Variants in GMDS observed in about 807,000 individuals in gnomAD.
GMDS encodes GDP-mannose 4,6-dehydratase.
A neutral mutation model predicts 49.9 loss-of-function variants in GMDS; 20 were observed. The ratio of observed to expected loss-of-function variants is 0.40; its 90% confidence interval spans 0.28 to 0.58. GMDS has a LOEUF of 0.58. Ranked by LOEUF, GMDS falls within the 20% of genes least tolerant of loss-of-function variation. GMDS has a pLI of 0.42. For missense variants in GMDS, 362 were observed against 481.4 expected (o/e 0.75, Z 2.32); for synonymous variants, 177 against 178.6 (o/e 0.99, Z 0.07).
intron 1 of GMDS, among the ~76,000 whole-genome samples, chr6:2,201,061 G>A (rs540382506): frequency 4.2e-5 from 6 of 141,392 alleles, no homozygotes; most frequent in African/African-American, 5.4e-5. Flanking sequence ...ATGGGCATCC[G>A]AGATGAAACC....
intron 2 of GMDS, among the ~76,000 whole-genome samples, chr6:2,120,585 A>G (rs776522048): frequency 1.3e-5 from 2 of 152,188 alleles, no homozygotes; most frequent in African/African-American, 2.4e-5. Flanking sequence ...GTTATTTAAT[A>G]TATTTTCATA....
intron 1 of GMDS, among the ~76,000 whole-genome samples, chr6:2,185,958 C>A (rs572818595): frequency 6.6e-6 from 1 of 152,174 alleles, no homozygotes; most frequent in East Asian, 1.9e-4. Flanking sequence ...AAACTGAGAA[C>A]CACGCGTTTA....
chr6:2,036,050 G>A (rs560747833), intron 4 of GMDS, among the ~76,000 whole-genome samples: 3 of 152,242 alleles, frequency 2.0e-5, no homozygotes, highest in African/African-American at 7.2e-5. Flanking sequence ...TGGCCTGGGC[G>A]ACTGTCTCAG....
intron 1 of GMDS, among the ~76,000 whole-genome samples, chr6:2,202,402 A>T (rs2127577229): frequency 6.7e-6 from 1 of 150,176 alleles, no homozygotes; most frequent in Admixed American, 6.7e-5. Context: ...TCGAGTAAGC[A>T]CAGTCGAGTA....
At chr6:1,915,442 G>A (rs751371943) in intron 7 of GMDS, among the ~76,000 whole-genome samples, 3 of 152,238 alleles carry the variant, frequency 2.0e-5, no homozygotes, top group Non-Finnish European at 2.9e-5. Context: ...CAAGCAGCAG[G>A]GGCAGCCCAG....
chr6:1,767,888 G>A (rs1047846922), intron 7 of GMDS, among the ~76,000 whole-genome samples: 5 of 151,940 alleles, frequency 3.3e-5, no homozygotes, highest in East Asian at 1.9e-4. Flanking sequence ...AGTTAATCCC[G>A]GCTCTAAGCT....
intron 1 of GMDS, among the ~76,000 whole-genome samples, chr6:2,150,235 G>A (rs1381998269): frequency 1.3e-5 from 2 of 152,046 alleles, no homozygotes; most frequent in African/African-American, 2.4e-5. Context: ...ACCAACTTCT[G>A]ATCAAGGTGA....
chr6:2,171,491 T>A (rs148321559), intron 1 of GMDS, among the ~76,000 whole-genome samples: 1 of 152,232 alleles, frequency 6.6e-6, no homozygotes, highest in East Asian at 1.9e-4. Context: ...TTAGATGCAA[T>A]TAACTGAGTG....
At chr6:2,196,963 T>A (rs13437278) in intron 1 of GMDS, among the ~76,000 whole-genome samples, 3,781 of 152,290 alleles carry the variant, frequency 0.025, 173 homozygotes, top group African/African-American at 0.086. Flanking sequence ...AAACGGATAC[T>A]TGTCAAAAAG....
At chr6:2,035,694 A>T (rs1345482322) in intron 4 of GMDS, among the ~76,000 whole-genome samples, 2 of 151,814 alleles carry the variant, frequency 1.3e-5, no homozygotes, top group Admixed American at 6.6e-5. Flanking sequence ...TTATTTATTT[A>T]TTTATTTTTT....
intron 7 of GMDS, among the ~76,000 whole-genome samples, chr6:1,839,035 C>T (rs1043788780): frequency 1.3e-5 from 2 of 152,028 alleles, no homozygotes; most frequent in African/African-American, 2.4e-5. Context: ...TACCTTTAGC[C>T]GACATTTTTC....
At chr6:1,801,034 C>A (rs1170091428) in intron 7 of GMDS, among the ~76,000 whole-genome samples, 1 of 152,212 alleles carries the variant, frequency 6.6e-6, no homozygotes, top group Non-Finnish European at 1.5e-5. Flanking sequence ...GCCACTTCAT[C>A]CCTGCTCCTG....
At chr6:2,104,222 A>G (rs918200109) in intron 4 of GMDS, among the ~76,000 whole-genome samples, 1 of 152,224 alleles carries the variant, frequency 6.6e-6, no homozygotes, top group African/African-American at 2.4e-5. Flanking sequence ...GATTTCAATC[A>G]TCTTACAGGA....
At chr6:1,725,180 C>T (rs955932177) in intron 9 of GMDS, among the ~76,000 whole-genome samples, 2 of 152,268 alleles carry the variant, frequency 1.3e-5, no homozygotes, top group Non-Finnish European at 2.9e-5. Flanking sequence ...CACATATGAA[C>T]GTTTCTCTCT....
intron 7 of GMDS, among the ~76,000 whole-genome samples, chr6:1,793,848 A>G (rs1426542731): frequency 6.6e-6 from 1 of 152,306 alleles, no homozygotes; most frequent in African/African-American, 2.4e-5. Flanking sequence ...AAAAACAGAA[A>G]GTTTGACCAG....
chr6:1,916,685 T>C (rs1338254295), intron 7 of GMDS, among the ~76,000 whole-genome samples: 4 of 151,860 alleles, frequency 2.6e-5, no homozygotes, highest in East Asian at 2.0e-4. Flanking sequence ...GAGAGCACAA[T>C]ACCACGCGCA....
intron 1 of GMDS, among the ~76,000 whole-genome samples, chr6:2,193,404 G>A (rs1215787665): frequency 1.3e-5 from 2 of 152,170 alleles, no homozygotes; most frequent in Non-Finnish European, 2.9e-5. Context: ...AGTCTCCACT[G>A]CCATCCACGT....
At chr6:2,117,325 C>A in intron 3 of GMDS, 144 bp downstream of exon 3, 1 of 614,682 alleles carries the variant, frequency 1.6e-6, no homozygotes, top group Non-Finnish European at 3.0e-6. Flanking sequence ...GCATGTAAAT[C>A]GTATTCAGTG....
chr6:2,022,143 A>C lies in GMDS; in HGVS notation c.346-61177T>G, dbSNP rs570842899. Among the ~76,000 whole-genome samples, 13 of 152,350 alleles carry C rather than the reference A, an allele frequency of 8.5e-5. No homozygotes were observed. In the East Asian group the frequency reaches 2.5e-3, roughly 29 times the overall value. ...GGCAACTCTTATAAGCTGTACCAAA[A>C]GTAGAAGATGCAAAACCAGAAGGAC... On this transcript the variant is annotated intron_variant, in intron 4 of 10. Coordinates refer to ENST00000380815, the MANE Select transcript of GMDS (RefSeq NM_001500.4).
Sources: gnomAD v4.1 joint callset for allele counts (sites outside exome capture counted in the v4.1 genomes callset) on GRCh38, gnomAD v4.1.1 for gene constraint, MANE v1.5 for transcripts, NCBI Gene and HGNC (gene_info 2026-07-23, HGNC 2026-07-21) for gene names.